PRH1: variants seen among roughly 807,000 people sequenced by gnomAD.
The protein encoded by PRH1 is proline rich protein HaeIII subfamily 1, also known as salivary acidic proline-rich phosphoprotein 1/2.
A neutral mutation model predicts 7.9 loss-of-function variants in PRH1; 7 were observed. That is an observed-to-expected ratio of 0.89 (90% CI 0.50 to 1.67). The LOEUF (loss-of-function observed/expected upper bound fraction) is 1.67. Ranked by LOEUF, PRH1 falls within the 40% of genes most tolerant of loss-of-function variation. PRH1 has a pLI of 0.00. For missense variants in PRH1, 109 were observed against 223.6 expected (o/e 0.49, Z 3.27); for synonymous variants, 45 against 80.8 (o/e 0.56, Z 2.38).
At chr12:10,942,738 T>G (rs1210555190) in intron 2 of PRH1, among the ~76,000 whole-genome samples, 1 of 152,224 alleles carries the variant, frequency 6.6e-6, no homozygotes, top group Non-Finnish European at 1.5e-5. Flanking sequence ...GGCTTCTTGA[T>G]GACTTCAAAT....
chr12:10,996,886 T>C, intron 1 of PRH1: 2 of 1,457,580 alleles, frequency 1.4e-6, no homozygotes, highest in Non-Finnish European at 1.8e-6. Flanking sequence ...AAATATAAAA[T>C]GTTCCAGACA....
Position 11,087,946 on chromosome 12 carries a change from A to C in PRH1, n.124-40758T>G, listed in dbSNP as rs1401464660. Among the ~76,000 whole-genome samples the C allele has an allele frequency of 1.9e-5, 2 of 104,032 alleles. 1 individual carries two copies. The highest frequency in any genetic ancestry group is 4.6e-5 in the Non-Finnish European group (2 of 43,428). The allele number at this position is 104,032 out of a possible 152,430, so 68.2% of individuals were successfully genotyped here. On this transcript the variant is annotated intron_variant and non_coding_transcript_variant, in intron 1 of 4. Coordinates refer to the PRH1 transcript ENST00000541977. The stretch of plus-strand genomic sequence containing the variant: ...AAATCAAAACAATTTGCCTCGTTTT[A>C]TAATAATAATAACACTGTCACTGTT...
chr12:11,106,875 GA>G (rs148137256), intron 1 of PRH1, among the ~76,000 whole-genome samples: 4,379 of 152,274 alleles, frequency 0.029, 91 homozygotes, highest in Non-Finnish European at 0.042. Flanking sequence ...TAGTCTTTAT[GA>G]GGAGTTAGTA....
intron 1 of PRH1, among the ~76,000 whole-genome samples, chr12:11,145,646 T>C (rs1009981111): frequency 6.6e-6 from 1 of 152,226 alleles, no homozygotes; most frequent in African/African-American, 2.4e-5. Flanking sequence ...AAACTCCACA[T>C]AGAGCACTTC....
intron 1 of PRH1, among the ~76,000 whole-genome samples, chr12:11,088,251 G>T (rs1341021327): frequency 7.4e-5 from 9 of 122,048 alleles, no homozygotes; most frequent in Non-Finnish European, 1.5e-4. Flanking sequence ...AGAGGTGGGG[G>T]AATCACTTGA....
chr12:10,908,645 T>C (rs747009314), intron 2 of PRH1: 2 of 1,614,016 alleles, frequency 1.2e-6, no homozygotes, highest in Non-Finnish European at 1.7e-6. Flanking sequence ...GGTCTCTGTG[T>C]CCTTTGTAAT....
intron 2 of PRH1, among the ~76,000 whole-genome samples, chr12:10,910,205 CTA>C (rs1198848019): frequency 1.3e-5 from 2 of 152,110 alleles, no homozygotes; most frequent in African/African-American, 4.8e-5. Flanking sequence ...GTACCAAACT[CTA>C]TATACAATAT....
intron 2 of PRH1, among the ~76,000 whole-genome samples, chr12:10,902,789 G>T (rs994822760): frequency 6.6e-6 from 1 of 152,004 alleles, no homozygotes; most frequent in African/African-American, 2.4e-5. Flanking sequence ...TATAACTGAA[G>T]GAGAAATAAA....
chr12:11,010,550 A>G (rs1430909802), intron 1 of PRH1, among the ~76,000 whole-genome samples: 3 of 151,950 alleles, frequency 2.0e-5, no homozygotes, highest in Non-Finnish European at 2.9e-5. Flanking sequence ...TCATTTTACC[A>G]CATTCTAAAG....
chr12:11,117,625 G>T (rs1397035989), downstream of PRH1, among the ~76,000 whole-genome samples: 1 of 151,964 alleles, frequency 6.6e-6, no homozygotes, highest in Admixed American at 6.6e-5. Flanking sequence ...TAAGAAAAAA[G>T]AACAAAACTG....
chr12:10,959,629 A>G (rs1938141713), intron 2 of PRH1, among the ~76,000 whole-genome samples: 1 of 152,202 alleles, frequency 6.6e-6, no homozygotes, highest in African/African-American at 2.4e-5. Flanking sequence ...AATTCTATCT[A>G]TGTATTTCTT....
rs1414632696 is a variant in PRH1 at position 11,148,753 on chromosome 12, T to G, written n.39+22669A>C. 6.1e-5 allele frequency among the ~76,000 whole-genome samples: 7 copies of G among 114,038 alleles called. 2 individuals are homozygous for G. The highest frequency in any genetic ancestry group is 1.5e-4 in the Non-Finnish European group (7 of 48,096). The allele number at this position is 114,038 out of a possible 152,430, so 74.8% of individuals were successfully genotyped here. A position where few individuals can be genotyped will look rare whatever the true frequency, so the allele number is the denominator to read the frequency against. ...GGATATTAGTCTAAAATTCTCTTTT[T>G]GGTTGTGTCTCTGCCCAGCTTTGGT... On this transcript the variant is annotated intron_variant and non_coding_transcript_variant, in intron 1 of 1. Coordinates refer to the PRH1 transcript ENST00000541175.
intron 1 of PRH1, among the ~76,000 whole-genome samples, chr12:11,033,370 A>G (rs1942307513): frequency 1.1e-5 from 1 of 89,970 alleles, no homozygotes; most frequent in African/African-American, 3.9e-5. Flanking sequence ...CTGTCAAAAA[A>G]CAAAACAAAA....
chr12:10,985,152 G>A (rs935890051), intron 1 of PRH1, among the ~76,000 whole-genome samples: 3 of 151,936 alleles, frequency 2.0e-5, no homozygotes, highest in African/African-American at 7.2e-5. Context: ...TGGAAGAAAT[G>A]ACTTTTCTAA....
chr12:10,884,370 G>A, upstream of PRH1: 1 of 836,256 alleles, frequency 1.2e-6, no homozygotes, highest in South Asian at 1.6e-5. Flanking sequence ...CTTACTTCAG[G>A]TCAAGTGTAT....
chr12:11,113,962 C>T (rs1945661413), intron 1 of PRH1, among the ~76,000 whole-genome samples: 1 of 152,016 alleles, frequency 6.6e-6, no homozygotes, highest in Non-Finnish European at 1.5e-5. Context: ...CAATGAGATA[C>T]CATCTCATGA....
chr12:10,953,671 C>T (rs1360947132), intron 2 of PRH1, among the ~76,000 whole-genome samples: 1 of 152,078 alleles, frequency 6.6e-6, no homozygotes, highest in Non-Finnish European at 1.5e-5. Context: ...AGAAGGCAAA[C>T]AACTTGGAAA....
chr12:11,115,363 T>G (rs765988857), intron 1 of PRH1, among the ~76,000 whole-genome samples: 1 of 152,166 alleles, frequency 6.6e-6, no homozygotes, highest in Non-Finnish European at 1.5e-5. Context: ...ATTGTAAATA[T>G]ATATGCACTC....
At chr12:11,154,082 T>A (rs1271548678) in intron 1 of PRH1, among the ~76,000 whole-genome samples, 1 of 152,184 alleles carries the variant, frequency 6.6e-6, no homozygotes, top group East Asian at 1.9e-4. Flanking sequence ...TTCAACATAC[T>A]CAATACTGGA....
Sources: gnomAD v4.1 joint callset for allele counts (sites outside exome capture counted in the v4.1 genomes callset) on GRCh38, gnomAD v4.1.1 for gene constraint, MANE v1.5 for transcripts, NCBI Gene and HGNC (gene_info 2026-07-23, HGNC 2026-07-21) for gene names.